SMARCAD1: variants seen among roughly 807,000 people sequenced by gnomAD.
SMARCAD1 encodes the protein SNF2 related chromatin remodeling ATPase with DExD box 1.
Under a neutral mutation model 127.1 loss-of-function variants are expected in SMARCAD1, and 25 were observed. That is an observed-to-expected ratio of 0.20 (90% CI 0.14 to 0.27). The LOEUF is 0.27. SMARCAD1 is among the 10% of genes least tolerant of loss of function. The pLI, the probability that SMARCAD1 is intolerant of heterozygous loss-of-function variation, is 1.00. For missense variants in SMARCAD1, 807 were observed against 1,206.0 expected, an observed-to-expected ratio of 0.67 and a Z score of 4.90; for synonymous variants, 400 against 396.9, an observed-to-expected ratio of 1.01 and a Z score of -0.09.
intron 8 of SMARCAD1, among the ~76,000 whole-genome samples, chr4:94,251,668 T>C (rs1205354130): frequency 2.6e-5 from 4 of 152,184 alleles, no homozygotes; most frequent in Non-Finnish European, 5.9e-5. Context: ...GTAAGTCTAA[T>C]AGCTTTCTGA....
intron 2 of SMARCAD1, among the ~76,000 whole-genome samples, chr4:94,218,310 G>T (rs150233850): frequency 6.6e-6 from 1 of 150,998 alleles, no homozygotes; most frequent in African/African-American, 2.4e-5. Context: ...TTGAGATAGA[G>T]TGTCACTCTG....
chr4:94,278,364 GTTA>G, intron 16 of SMARCAD1, 55 bp from the exon 17 acceptor site: 1 of 1,385,178 alleles, frequency 7.2e-7, no homozygotes, highest in South Asian at 1.2e-5. Context: ...TAATAATACT[GTTA>G]TTGCAATAAT....
In SMARCAD1 at chr4:94,264,826, T is replaced by G; in HGVS notation, c.1401T>G (p.Asn467Lys). ...TGAACAAATGTGAAGACATTTCAAATAAATTGACCAAACAAGTTACCATGC... is the reference window on the plus strand; with the variant it reads ...TGAACAAATGTGAAGACATTTCAAAGAAATTGACCAAACAAGTTACCATGC... ...RLMNKCEDIS[N>K]KLTKQVTMLT... Residue 467 changes from asparagine to lysine, a missense_variant, in exon 10 of 24, where the codon AAT becomes AAG. This residue lies in a region of SMARCAD1 where 257 missense variants were observed against 303.4 expected (regional missense o/e 0.85). Transcript: ENST00000354268. 1 of 1,613,152 alleles carries G rather than the reference T, an allele frequency of 6.2e-7. No individual in the cohort carries two copies. The highest frequency in any genetic ancestry group is 8.5e-7 in the Non-Finnish European group (1 of 1,179,340).
chr4:94,227,322 G>C (rs932353416), intron 3 of SMARCAD1, among the ~76,000 whole-genome samples: 1 of 152,076 alleles, frequency 6.6e-6, no homozygotes, highest in South Asian at 2.1e-4. Flanking sequence ...TGACTGAGAT[G>C]GGAATTCCTA....
At chr4:94,216,529 A>C (rs924978116) in intron 2 of SMARCAD1, among the ~76,000 whole-genome samples, 1 of 152,154 alleles carries the variant, frequency 6.6e-6, no homozygotes, top group African/African-American at 2.4e-5. Context: ...ATTCAGTTCA[A>C]TACATATACA....
At chr4:94,268,729 C>T (rs949808493) in intron 10 of SMARCAD1, among the ~76,000 whole-genome samples, 7 of 151,998 alleles carry the variant, frequency 4.6e-5, no homozygotes, top group Non-Finnish European at 7.4e-5. Flanking sequence ...TTCTGTGAGC[C>T]GCAGTGAACT....
chr4:94,282,033 C>G (rs1410900114), intron 21 of SMARCAD1, among the ~76,000 whole-genome samples: 4 of 150,238 alleles, frequency 2.7e-5, no homozygotes, highest in African/African-American at 9.8e-5. Context: ...GAGCGGGACC[C>G]TATCTCAAAA....
At chr4:94,210,620 G>A (rs549050622) in intron 2 of SMARCAD1, among the ~76,000 whole-genome samples, 1 of 152,246 alleles carries the variant, frequency 6.6e-6, no homozygotes, top group East Asian at 1.9e-4. Context: ...GCAGGGTTTA[G>A]ATCCCTGATG....
rs895205229 is a variant in SMARCAD1, at chr4:94,289,823, A to G, written c.*289A>G. ...TAGTTGGTGATTGTTTGTAACAAAT[A>G]TGCTAATGCTTTAGAAATGTCAGTA... On this transcript the variant is annotated 3_prime_UTR_variant, in exon 24 of 24. Transcript: ENST00000354268. 1.9e-6 allele frequency: 1 copy of G among 522,208 alleles called. No homozygotes were observed. Among genetic ancestry groups the G allele is most frequent in the African/African-American group, 1.9e-5 (1 of 52,702 alleles). 32.3% of individuals were successfully genotyped at this position (522,208 alleles called of 1,614,324 possible).
intron 22 of SMARCAD1, 125 bp downstream of exon 22, chr4:94,283,428 G>A (rs1754380439): frequency 1.2e-6 from 1 of 823,418 alleles, no homozygotes; most frequent in Non-Finnish European, 2.0e-6. Flanking sequence ...GGCTACTGAT[G>A]TATTTTATAC....
At chr4:94,211,427 G>A (rs1356442245) in intron 2 of SMARCAD1, among the ~76,000 whole-genome samples, 1 of 152,184 alleles carries the variant, frequency 6.6e-6, no homozygotes, top group Admixed American at 6.5e-5. Flanking sequence ...TTAAGGTCAG[G>A]ACTGGAGATG....
At chr4:94,270,473 G>T (rs1752399752) in intron 10 of SMARCAD1, 12 of 391,044 alleles carry the variant, frequency 3.1e-5, no homozygotes, top group South Asian at 3.1e-4. Context: ...TAATTTGGAG[G>T]TACTATATTA....
chr4:94,284,521 C>G (rs1223428217), intron 22 of SMARCAD1, among the ~76,000 whole-genome samples: 3 of 151,452 alleles, frequency 2.0e-5, no homozygotes, highest in Non-Finnish European at 4.4e-5. Context: ...GCCTTAGCCT[C>G]CCAACTGCTA....
chr4:94,287,360 T>A lies in SMARCAD1; in HGVS notation c.3020-2113T>A, dbSNP rs1361171426. 3.9e-5 allele frequency among the ~76,000 whole-genome samples: 6 copies of A among 152,322 alleles called. No homozygotes were observed. In the East Asian group the frequency reaches 1.2e-3, roughly 29 times the overall value. On this transcript the variant is annotated intron_variant, in intron 23 of 23. Transcript: ENST00000354268. The stretch of plus-strand genomic sequence containing the variant: ...ATCTCTCACAGTGAGGTCCTTTTCC[T>A]CTATAAACAAAAATGTATATTTGTA...
At chr4:94,214,827 A>T (rs1276964728) in intron 2 of SMARCAD1, among the ~76,000 whole-genome samples, 1 of 151,508 alleles carries the variant, frequency 6.6e-6, no homozygotes, top group Non-Finnish European at 1.5e-5. Flanking sequence ...GCTGAAATAG[A>T]TTTAGTCCTC....
At chr4:94,247,993 C>G (rs953965584) in intron 6 of SMARCAD1, among the ~76,000 whole-genome samples, 1 of 152,132 alleles carries the variant, frequency 6.6e-6, no homozygotes, top group Non-Finnish European at 1.5e-5. Context: ...ACTCTTCCCC[C>G]ACATCCTCCC....
Position 94,290,630 on chromosome 4 carries a change from CAAAGTG to C in SMARCAD1, c.*1100_*1105del. The C allele has an allele frequency of 2.2e-6, 1 of 454,278 alleles. No homozygotes were observed. Among genetic ancestry groups the C allele is most frequent in the African/African-American group, 2.0e-5 (1 of 50,110 alleles). 28.1% of individuals were successfully genotyped at this position (454,278 alleles called of 1,614,324 possible). ...TTCAATTCCAATTCAGTGTGAGTGA[CAAAGTG>C]AAATTTAGAAGTGAAGTTGTCTATT... On this transcript the variant is annotated 3_prime_UTR_variant, in exon 24 of 24. Transcript: ENST00000354268.
chr4:94,261,657 G>A (rs1434061065), intron 9 of SMARCAD1, among the ~76,000 whole-genome samples: 1 of 152,148 alleles, frequency 6.6e-6, no homozygotes, highest in African/African-American at 2.4e-5. Flanking sequence ...CTATCACCCA[G>A]GCTGGAATGC....
chr4:94,238,227 A>T (rs1747007136), intron 5 of SMARCAD1, among the ~76,000 whole-genome samples: 1 of 152,164 alleles, frequency 6.6e-6, no homozygotes, highest in Non-Finnish European at 1.5e-5. Flanking sequence ...GCAAGGAGAC[A>T]GTATTTTGTG....
Sources: allele counts gnomAD v4.1 joint callset (sites outside exome capture counted in the v4.1 genomes callset), GRCh38; gene constraint gnomAD v4.1.1; regional missense constraint gnomAD v4.1.1; transcripts MANE v1.5; gene names NCBI Gene and HGNC (gene_info 2026-07-23, HGNC 2026-07-21).